RHBDD1: variants seen among roughly 807,000 people sequenced by gnomAD.
RHBDD1 encodes rhomboid domain containing 1, also known as rhomboid-related protein 4.
RHBDD1 carries 38 observed loss-of-function variants against 36.3 expected under a neutral mutation model. The ratio of observed to expected loss-of-function variants is 1.05; its 90% CI spans 0.81 to 1.37. RHBDD1 has a LOEUF of 1.37. RHBDD1 is among the 40% of genes most tolerant of loss of function. The pLI, the probability that RHBDD1 is intolerant of heterozygous loss-of-function variation, is 0.00. For missense variants in RHBDD1, 393 were observed against 377.6 expected, an observed-to-expected ratio of 1.04 and a Z score of -0.34; for synonymous variants, 151 against 136.5, an observed-to-expected ratio of 1.11 and a Z score of -0.74.
At chr2:226,943,458 T>C (rs1196027321) in intron 8 of RHBDD1, among the ~76,000 whole-genome samples, 1 of 152,196 alleles carries the variant, frequency 6.6e-6, no homozygotes, top group Non-Finnish European at 1.5e-5. Context: ...CCCAGTAGTT[T>C]TTGATTTTCA....
intron 3 of RHBDD1, among the ~76,000 whole-genome samples, chr2:226,846,179 GGAA>G (rs1942199730): frequency 6.6e-6 from 1 of 152,092 alleles, no homozygotes; most frequent in Non-Finnish European, 1.5e-5. Context: ...CTTGTGTCCT[GGAA>G]TAACTATAAT....
the RHBDD1 span, among the ~76,000 whole-genome samples, chr2:226,822,401 A>G: frequency 1.3e-5 from 2 of 152,182 alleles, no homozygotes; most frequent in Admixed American, 1.3e-4. Context: ...TTGGGAGGCC[A>G]GAGCGGGTGG....
chr2:226,921,296 C>A (rs1398740626), intron 8 of RHBDD1, among the ~76,000 whole-genome samples: 1 of 152,010 alleles, frequency 6.6e-6, no homozygotes, highest in East Asian at 1.9e-4. Flanking sequence ...TTCCAAAGAA[C>A]AACTTTTTGT....
chr2:226,952,800 A>C (rs890544053), intron 8 of RHBDD1, among the ~76,000 whole-genome samples: 2 of 152,138 alleles, frequency 1.3e-5, no homozygotes, highest in African/African-American at 4.8e-5. Context: ...AAATGGAAGA[A>C]AGAGAGACAG....
chr2:226,902,637 G>A (rs958187515), intron 5 of RHBDD1, among the ~76,000 whole-genome samples: 6 of 152,164 alleles, frequency 3.9e-5, no homozygotes, highest in Non-Finnish European at 8.8e-5. Context: ...GAGATTCTCA[G>A]TTTTGATTGA....
chr2:226,918,134 A>G (rs913371332), intron 8 of RHBDD1, among the ~76,000 whole-genome samples: 4 of 152,062 alleles, frequency 2.6e-5, no homozygotes, highest in Admixed American at 2.0e-4. Flanking sequence ...AATTTGCTGT[A>G]TATTAGCAAA....
intron 3 of RHBDD1, among the ~76,000 whole-genome samples, chr2:226,840,826 TA>T (rs769286719): frequency 5.9e-5 from 9 of 152,042 alleles, no homozygotes; most frequent in Non-Finnish European, 1.3e-4. Flanking sequence ...AAATAATATA[TA>T]GGGGTGTGTG....
At chr2:226,822,452 T>A in the RHBDD1 span, among the ~76,000 whole-genome samples, 1 of 151,814 alleles carries the variant, frequency 6.6e-6, no homozygotes, top group Non-Finnish European at 1.5e-5. Context: ...CTGGCCAACA[T>A]GGTGAAACCC....
chr2:226,897,310 G>T (rs1053660979), intron 5 of RHBDD1, among the ~76,000 whole-genome samples: 1 of 59,214 alleles, frequency 1.7e-5, no homozygotes, highest in African/African-American at 1.2e-4. Flanking sequence ...AGGTGTGTGT[G>T]TCTGTCTGTC....
intron 5 of RHBDD1, among the ~76,000 whole-genome samples, chr2:226,870,511 T>C (rs1944712013): frequency 6.6e-6 from 1 of 152,308 alleles, no homozygotes; most frequent in Non-Finnish European, 1.5e-5. Context: ...TCTTAAACAC[T>C]AAATAAGCAA....
intron 5 of RHBDD1, chr2:226,867,660 C>G: frequency 1.0e-6 from 1 of 983,652 alleles, no homozygotes; most frequent in Non-Finnish European, 1.2e-6. Flanking sequence ...ATAGAAACCA[C>G]GTAACTATAA....
At chr2:226,894,522 C>T (rs1369702141) in intron 5 of RHBDD1, among the ~76,000 whole-genome samples, 3 of 152,158 alleles carry the variant, frequency 2.0e-5, no homozygotes, top group African/African-American at 7.2e-5. Flanking sequence ...CTGCCTGCCT[C>T]GGCCTCCCAA....
rs186667452 is a variant in RHBDD1, at chr2:226,869,873, G to A, written c.566+2555G>A. 7.2e-4 allele frequency among the ~76,000 whole-genome samples: 109 copies of A among 152,304 alleles called. 1 individual carries two copies. Among genetic ancestry groups the A allele is most frequent in the African/African-American group, 2.4e-3 (101 of 41,566 alleles). ...TGAAGGGGTGTCCCAGGAGGGAGATGTGCAGGCCACCTCTGGTGCCTCCTT... is the reference window on the plus strand; with the variant it reads ...TGAAGGGGTGTCCCAGGAGGGAGATATGCAGGCCACCTCTGGTGCCTCCTT... On this transcript the variant is annotated intron_variant, in intron 5 of 8. Transcript: ENST00000392062.
At chr2:226,840,883 G>C (rs73992240) in intron 3 of RHBDD1, among the ~76,000 whole-genome samples, 5,446 of 151,682 alleles carry the variant, frequency 0.036, 331 homozygotes, top group African/African-American at 0.12. Context: ...ATATAATTTG[G>C]GTTTTTTTTT....
At chr2:226,910,545 C>G (rs1948448415) in intron 7 of RHBDD1, among the ~76,000 whole-genome samples, 1 of 151,906 alleles carries the variant, frequency 6.6e-6, no homozygotes, top group Non-Finnish European at 1.5e-5. Context: ...TTTTTCTAAT[C>G]TTGGTGGTGT....
At chr2:226,977,431 C>G (rs1203497575) in intron 8 of RHBDD1, among the ~76,000 whole-genome samples, 1 of 152,146 alleles carries the variant, frequency 6.6e-6, no homozygotes, top group African/African-American at 2.4e-5. Flanking sequence ...AAAAGAATCC[C>G]TTATGGTTTT....
intron 8 of RHBDD1, among the ~76,000 whole-genome samples, chr2:226,986,030 G>A (rs577641536): frequency 1.3e-4 from 20 of 152,360 alleles, no homozygotes; most frequent in East Asian, 3.9e-4. Context: ...TTGACAGCAC[G>A]TTGATATGTG....
At position 226,998,510 on chromosome 2, in the gene RHBDD1, C is replaced by G. The variant is rs1451416686; in HGVS notation, c.*2988C>G. ...CAGTAAAGAATAGCATTCAATTAGT[C>G]AAAAAATATATATATAACTTCTTCC... is the stretch of plus-strand genomic sequence containing the variant. On this transcript the variant is annotated 3_prime_UTR_variant, in exon 9 of 9. Coordinates refer to ENST00000392062, the MANE Select transcript of RHBDD1 (RefSeq NM_001167608.3). 2.0e-5 allele frequency: 3 copies of G among 152,046 alleles called. No homozygotes were observed. The highest frequency in any genetic ancestry group is 2.9e-5 in the Non-Finnish European group (2 of 68,002). 9.4% of individuals were successfully genotyped at this position (152,046 alleles called of 1,614,324 possible). A position where few individuals can be genotyped will look rare whatever the true frequency, so the allele number is the denominator to read the frequency against.
At chr2:226,849,743 T>G in intron 3 of RHBDD1, among the ~76,000 whole-genome samples, 1 of 149,638 alleles carries the variant, frequency 6.7e-6, no homozygotes, top group East Asian at 1.9e-4. Flanking sequence ...TGTATCTATA[T>G]CTATATATCT....
Sources: gnomAD v4.1 joint callset for allele counts (sites outside exome capture counted in the v4.1 genomes callset) on GRCh38, gnomAD v4.1.1 for gene constraint, MANE v1.5 for transcripts, NCBI Gene and HGNC (gene_info 2026-07-23, HGNC 2026-07-21) for gene names.